The following PCDHGA3 variants were observed in gnomAD, a reference collection of about 807,000 sequenced individuals.
PCDHGA3 encodes the protein protocadherin gamma-A3.
A neutral mutation model predicts 58.5 loss-of-function variants in PCDHGA3; 40 were observed. That is an observed-to-expected ratio of 0.68 (90% CI 0.53 to 0.89). The LOEUF (loss-of-function observed/expected upper bound fraction) is 0.89. PCDHGA3 is among the 40% of genes least tolerant of loss of function. PCDHGA3 has a pLI of 0.00. For synonymous variants in PCDHGA3, 530 were observed against 525.7 expected (o/e 1.01, Z -0.11); for missense variants, 1,223 against 1,195.9 (o/e 1.02, Z -0.33).
intron 1 of PCDHGA3, chr5:141,390,310 C>T: frequency 1.2e-6 from 2 of 1,612,362 alleles, no homozygotes; most frequent in Non-Finnish European, 1.7e-6. Context: ...TAATTTAATG[C>T]TCATTGCCTA....
intron 1 of PCDHGA3, chr5:141,375,886 C>A: frequency 1.2e-6 from 2 of 1,613,822 alleles, no homozygotes; most frequent in South Asian, 2.2e-5. Flanking sequence ...CGGGCCAGAA[C>A]GCCTGGCTGT....
chr5:141,489,275 A>C lies in PCDHGA3; in HGVS notation c.2425-5532A>C. On this transcript the variant is annotated intron_variant, in intron 1 of 3. Transcript: ENST00000253812. This position sits in a 1 kb window ranked among gnomAD's most constrained non-coding sequence, Gnocchi z 4.5. ...AAGACACTCCCACAGCTCGCTGGGA[A>C]ATGGCAAGTGCTGTGCATGTTGTCC... The C allele has an allele frequency of 4.5e-6, 7 of 1,556,298 alleles. No individual in the cohort carries two copies. Among genetic ancestry groups the C allele is most frequent in the Non-Finnish European group, 6.1e-6 (7 of 1,151,600 alleles).
At chr5:141,392,852 G>A in intron 1 of PCDHGA3, 3 of 1,611,984 alleles carry the variant, frequency 1.9e-6, no homozygotes, top group Non-Finnish European at 2.5e-6. Context: ...GCGGCGAGCT[G>A]ATCCTGCTGT....
chr5:141,385,283 T>C, intron 1 of PCDHGA3: 1 of 1,613,444 alleles, frequency 6.2e-7, no homozygotes, highest in Non-Finnish European at 8.5e-7. Flanking sequence ...CTAACATCCG[T>C]AGATTTTCAG....
intron 1 of PCDHGA3, chr5:141,409,922 T>C (rs752487198): frequency 1.2e-6 from 2 of 1,613,182 alleles, no homozygotes; most frequent in African/African-American, 2.7e-5. Context: ...CGGCTCCGCG[T>C]TCTTCGATAT....
At chr5:141,499,289 C>T in intron 2 of PCDHGA3, among the ~76,000 whole-genome samples, 1 of 152,212 alleles carries the variant, frequency 6.6e-6, no homozygotes, top group African/African-American at 2.4e-5. Context: ...GATGGCTCCA[C>T]ACTACCATCC....
intron 1 of PCDHGA3, chr5:141,371,031 A>G (rs1561549182): frequency 1.2e-6 from 2 of 1,613,872 alleles, no homozygotes; most frequent in East Asian, 2.2e-5. Flanking sequence ...CCTGGTCCTC[A>G]CAGCTGTGGA....
rs770249472 is a variant in PCDHGA3, at chr5:141,477,747, C to T, written c.2425-17060C>T. On this transcript the variant is annotated intron_variant, in intron 1 of 3. Transcript: ENST00000253812. The surrounding 1 kb of genome is among the most constrained non-coding windows in gnomAD (Gnocchi z 4.9). ...ACAGCTCATATCAGCGATGGGGGCA[C>T]CCCGGTCCTAGCCACCAACATCAGC... 6.2e-7 allele frequency: 1 copy of T among 1,613,840 alleles called. No individual in the cohort carries two copies. The highest frequency in any genetic ancestry group is 1.7e-5 in the Admixed American group (1 of 60,026).
chr5:141,366,052 C>A (rs1237553025), intron 1 of PCDHGA3: 2 of 1,614,248 alleles, frequency 1.2e-6, no homozygotes, highest in Admixed American at 1.7e-5. Context: ...GTTCCACGGG[C>A]GTGGAGCTGG....
At chr5:141,446,837 T>G (rs2098518039) in intron 1 of PCDHGA3, among the ~76,000 whole-genome samples, 1 of 152,168 alleles carries the variant, frequency 6.6e-6, no homozygotes, top group South Asian at 2.1e-4. Flanking sequence ...CTTATAAGGC[T>G]GAGCATAATA....
chr5:141,487,811 A>T lies in PCDHGA3; in HGVS notation c.2425-6996A>T, dbSNP rs1389081995. 2.1e-6 allele frequency: 3 copies of T among 1,414,662 alleles called. No homozygotes were observed. In the African/African-American group the frequency reaches 4.3e-5, roughly 20 times the overall value. 87.6% of individuals were successfully genotyped at this position (1,414,662 alleles called of 1,614,324 possible). A position where few individuals can be genotyped will look rare whatever the true frequency, so the allele number is the denominator to read the frequency against. ...TTAACCAGAGTTGTCACAGTTTAGCATTGGGGGCGGGTCATGCCTATATCT... is the reference window on the plus strand; with the variant it reads ...TTAACCAGAGTTGTCACAGTTTAGCTTTGGGGGCGGGTCATGCCTATATCT... On this transcript the variant is annotated intron_variant, in intron 1 of 3. Transcript: ENST00000253812. The surrounding 1 kb of genome is among the most constrained non-coding windows in gnomAD (Gnocchi z 5.0).
At chr5:141,353,088 G>C (rs1588498543) in intron 1 of PCDHGA3, among the ~76,000 whole-genome samples, 1 of 152,128 alleles carries the variant, frequency 6.6e-6, no homozygotes, top group East Asian at 1.9e-4. Context: ...TCTACTGCGG[G>C]AGGGGGTACT....
chr5:141,482,917 C>CA (rs761402624), intron 1 of PCDHGA3, among the ~76,000 whole-genome samples: 5 of 152,042 alleles, frequency 3.3e-5, no homozygotes, highest in Non-Finnish European at 7.4e-5. Context: ...ATTAAAAATA[C>CA]AAAAAATTAG....
chr5:141,476,584 C>T lies in PCDHGA3; in HGVS notation c.2425-18223C>T. 6.2e-7 allele frequency: 1 copy of T among 1,614,218 alleles called. No individual in the cohort carries two copies. The highest frequency in any genetic ancestry group is 8.5e-7 in the Non-Finnish European group (1 of 1,180,042). ...TGGCTCCGGGGACGCGCTTTCCGCTCGAGAGCGCGCACGATCCCGATGTGG... is the reference window on the plus strand; with the variant it reads ...TGGCTCCGGGGACGCGCTTTCCGCTTGAGAGCGCGCACGATCCCGATGTGG... On this transcript the variant is annotated intron_variant, in intron 1 of 3. Coordinates refer to ENST00000253812, the MANE Select transcript of PCDHGA3 (RefSeq NM_018916.4). The surrounding 1 kb of genome is among the most constrained non-coding windows in gnomAD (Gnocchi z 7.6).
rs757333940 is a variant in PCDHGA3, at chr5:141,404,777, T to A, written c.2424+58320T>A. The A allele has an allele frequency of 7.4e-6, 12 of 1,613,404 alleles. 1 individual carries two copies. In the South Asian group the frequency reaches 1.3e-4, roughly 18 times the overall value. ...GAATGCTTGGCTCTCCTACCGCCTA[T>A]TCAAGGCCAGTGAGCCAGGGCTCTT... On this transcript the variant is annotated intron_variant, in intron 1 of 3. Transcript: ENST00000253812.
intron 1 of PCDHGA3, among the ~76,000 whole-genome samples, chr5:141,348,319 A>G (rs1758096305): frequency 6.6e-6 from 1 of 152,186 alleles, no homozygotes; most frequent in South Asian, 2.1e-4. Flanking sequence ...TACATCACAG[A>G]ATTTAAAAGG....
chr5:141,436,185 A>G (rs1324749623), intron 1 of PCDHGA3, among the ~76,000 whole-genome samples: 1 of 152,142 alleles, frequency 6.6e-6, no homozygotes, highest in Non-Finnish European at 1.5e-5. Flanking sequence ...ATATAGTCAA[A>G]TAGAAAGAAA....
At chr5:141,415,736 TAAGG>T (rs2095905512) in intron 1 of PCDHGA3, 1 of 1,289,864 alleles carries the variant, frequency 7.8e-7, no homozygotes, top group Admixed American at 3.4e-5. Flanking sequence ...TGATGTTTAT[TAAGG>T]TTTTTTTTTT....
Position 141,344,096 on chromosome 5 carries a change from G to A in PCDHGA3, c.63G>A (p.Gly21=). 2.5e-6 allele frequency: 4 copies of A among 1,613,728 alleles called. No homozygotes were observed. The highest frequency in any genetic ancestry group is 3.4e-6 in the Non-Finnish European group (4 of 1,179,672). The change falls in exon 1 of 4, where the codon GGG becomes GGA. Residue 21 remains glycine (G), a synonymous_variant. Coordinates refer to ENST00000253812, the MANE Select transcript of PCDHGA3 (RefSeq NM_018916.4). ...RGLALLCALL[G]TLCETGSGQI... is the part of the protein sequence containing the mutation. ...TGGCCCTGCTGTGCGCGCTCCTGGG[G>A]ACGCTGTGCGAAACAGGATCCGGTC... is the stretch of plus-strand genomic sequence containing the variant.
Sources: allele counts gnomAD v4.1 joint callset (sites outside exome capture counted in the v4.1 genomes callset), GRCh38; gene constraint gnomAD v4.1.1; non-coding constraint Gnocchi (gnomAD v3.1); transcripts MANE v1.5; gene names NCBI Gene and HGNC (gene_info 2026-07-23, HGNC 2026-07-21).